The following NKAIN2 variants were observed in gnomAD, a reference collection of about 807,000 sequenced individuals.
The protein encoded by NKAIN2 is sodium/potassium transporting ATPase interacting 2.
NKAIN2 carries 14 observed loss-of-function variants against 32.6 expected under a neutral mutation model. That is an observed-to-expected ratio of 0.43 (90% CI 0.28 to 0.67). NKAIN2 has a LOEUF of 0.67. Ranked by LOEUF, NKAIN2 falls within the 30% of genes least tolerant of loss-of-function variation. NKAIN2 has a pLI of 0.17. For missense variants in NKAIN2, 198 were observed against 258.3 expected, an observed-to-expected ratio of 0.77 and a Z score of 1.60; for synonymous variants, 80 against 87.2, an observed-to-expected ratio of 0.92 and a Z score of 0.46.
At chr6:124,131,515 G>A (rs1786474097) in intron 1 of NKAIN2, among the ~76,000 whole-genome samples, 1 of 152,158 alleles carries the variant, frequency 6.6e-6, no homozygotes, top group Non-Finnish European at 1.5e-5. Context: ...GAAATGCCAT[G>A]CTACTGCAAA....
chr6:123,923,960 A>C (rs986619508), intron 1 of NKAIN2, among the ~76,000 whole-genome samples: 1 of 151,948 alleles, frequency 6.6e-6, no homozygotes, highest in African/African-American at 2.4e-5. Context: ...AAATAAAAAA[A>C]ATTAAAAAAA....
At chr6:124,509,823 G>C (rs1778641214) in intron 3 of NKAIN2, among the ~76,000 whole-genome samples, 1 of 152,104 alleles carries the variant, frequency 6.6e-6, no homozygotes, top group African/African-American at 2.4e-5. Context: ...TATTACAAAG[G>C]CTGTATATCA....
chr6:124,440,204 G>A (rs1275324129), intron 3 of NKAIN2, among the ~76,000 whole-genome samples: 1 of 152,036 alleles, frequency 6.6e-6, no homozygotes, highest in Admixed American at 6.6e-5. Context: ...CCTGAGGTAG[G>A]ACTGATGAAT....
chr6:124,771,766 T>A (rs1471390467), intron 4 of NKAIN2, among the ~76,000 whole-genome samples: 1 of 152,188 alleles, frequency 6.6e-6, no homozygotes, highest in Admixed American at 6.5e-5. Context: ...TTAAAAAGTG[T>A]TTATTTCTTA....
chr6:124,713,599 A>C (rs1385706990), intron 4 of NKAIN2, among the ~76,000 whole-genome samples: 2 of 152,164 alleles, frequency 1.3e-5, no homozygotes, highest in East Asian at 1.9e-4. Flanking sequence ...AAATGCACCC[A>C]AAAAACGGAG....
At position 124,600,387 on chromosome 6, in the gene NKAIN2, T is replaced by G. The variant is rs73772177; in HGVS notation, c.274-57799T>G. The stretch of plus-strand genomic sequence containing the variant: ...CGGTCAATCTGATTGAACCTAAATT[T>G]TATTTTTACAAATAAAATGTATTTT... On this transcript the variant is annotated intron_variant, in intron 3 of 6. Transcript: ENST00000368417. Among the ~76,000 whole-genome samples the G allele has an allele frequency of 5.7e-3, 869 of 152,228 alleles. 10 individuals carry two copies. The highest frequency in any genetic ancestry group is 0.02 in the African/African-American group (825 of 41,550).
At chr6:124,041,178 G>GGTTCTTT (rs1393754516) in intron 1 of NKAIN2, among the ~76,000 whole-genome samples, 2 of 151,866 alleles carry the variant, frequency 1.3e-5, no homozygotes, top group African/African-American at 4.8e-5. Context: ...AATATCTATT[G>GGTTCTTT]AGCTTTCTTT....
At chr6:123,963,080 A>G (rs1777921603) in intron 1 of NKAIN2, among the ~76,000 whole-genome samples, 1 of 152,154 alleles carries the variant, frequency 6.6e-6, no homozygotes, top group South Asian at 2.1e-4. Context: ...AGAAAAACTA[A>G]TAATTTGGCT....
intron 2 of NKAIN2, among the ~76,000 whole-genome samples, chr6:124,319,489 G>A (rs1797087397): frequency 6.6e-6 from 1 of 152,000 alleles, no homozygotes; most frequent in South Asian, 2.1e-4. Flanking sequence ...ACTGGTGATG[G>A]GGTGATTTTT....
At chr6:124,170,474 C>G (rs1295152664) in intron 1 of NKAIN2, among the ~76,000 whole-genome samples, 3 of 152,116 alleles carry the variant, frequency 2.0e-5, no homozygotes, top group Non-Finnish European at 4.4e-5. Context: ...TGATGTATGG[C>G]AAAAGAATGT....
chr6:124,179,900 T>C (rs1471206511), intron 1 of NKAIN2, among the ~76,000 whole-genome samples: 1 of 152,236 alleles, frequency 6.6e-6, no homozygotes, highest in African/African-American at 2.4e-5. Flanking sequence ...ATTTTGGCAG[T>C]AACTGAAGCT....
intron 3 of NKAIN2, among the ~76,000 whole-genome samples, chr6:124,377,448 G>A (rs539918162): frequency 7.9e-5 from 12 of 152,252 alleles, no homozygotes; most frequent in South Asian, 2.1e-4. Context: ...ATAATGGAGC[G>A]TGTACCAGAT....
chr6:124,227,478 G>GT (rs1461159040), intron 1 of NKAIN2, among the ~76,000 whole-genome samples: 2 of 152,078 alleles, frequency 1.3e-5, no homozygotes, highest in African/African-American at 4.8e-5. Context: ...CTTTTAATCT[G>GT]TTTTTTATTG....
chr6:124,504,405 C>T (rs1778399988), intron 3 of NKAIN2, among the ~76,000 whole-genome samples: 1 of 152,038 alleles, frequency 6.6e-6, no homozygotes, highest in Non-Finnish European at 1.5e-5. Flanking sequence ...AGTGATGGCC[C>T]TTTATTTGAA....
At chr6:124,174,069 A>G (rs1789034967) in intron 1 of NKAIN2, among the ~76,000 whole-genome samples, 1 of 152,142 alleles carries the variant, frequency 6.6e-6, no homozygotes, top group Non-Finnish European at 1.5e-5. Flanking sequence ...TATTTTTAAA[A>G]TCTGATATCA....
At chr6:124,778,477 T>C (rs1562378254) in intron 4 of NKAIN2, among the ~76,000 whole-genome samples, 1 of 152,048 alleles carries the variant, frequency 6.6e-6, no homozygotes, top group Non-Finnish European at 1.5e-5. Context: ...TCATCAATGT[T>C]GTATTCTCCT....
chr6:124,608,362 T>G (rs1782571961), intron 3 of NKAIN2, among the ~76,000 whole-genome samples: 3 of 152,184 alleles, frequency 2.0e-5, no homozygotes, highest in Admixed American at 6.6e-5. Context: ...TGAACTGAAT[T>G]GTCTTCCTTA....
chr6:123,874,196 C>T (rs761031117), intron 1 of NKAIN2, among the ~76,000 whole-genome samples: 6 of 152,110 alleles, frequency 3.9e-5, no homozygotes, highest in Non-Finnish European at 8.8e-5. Context: ...TGCATCCTGC[C>T]GGACTTCTAG....
At chr6:123,857,229 G>T (rs1386820365) in intron 1 of NKAIN2, among the ~76,000 whole-genome samples, 2 of 151,152 alleles carry the variant, frequency 1.3e-5, no homozygotes, top group Admixed American at 6.6e-5. Flanking sequence ...GTACCAGCAG[G>T]ACCTCATCAT....
Sources: gnomAD v4.1 joint callset for allele counts (sites outside exome capture counted in the v4.1 genomes callset) on GRCh38, gnomAD v4.1.1 for gene constraint, MANE v1.5 for transcripts, NCBI Gene and HGNC (gene_info 2026-07-23, HGNC 2026-07-21) for gene names.